The following PTCHD4 variants were observed in gnomAD, a reference collection of about 807,000 sequenced individuals.
PTCHD4 encodes patched domain-containing protein 4.
In PTCHD4, 33 loss-of-function variants were observed where a neutral mutation model predicts 58.1. The ratio of observed to expected loss-of-function variants is 0.57; its 90% CI spans 0.43 to 0.76. PTCHD4 has a LOEUF of 0.76. PTCHD4 is among the 30% of genes least tolerant of loss of function. The probability of loss-of-function intolerance (pLI) is 0.00; values close to 1 mark genes in which losing one functional copy is unlikely to be tolerated. For missense variants in PTCHD4, 1,058 were observed against 1,027.1 expected, an observed-to-expected ratio of 1.03 and a Z score of -0.41; for synonymous variants, 478 against 409.6, an observed-to-expected ratio of 1.17 and a Z score of -2.02.
intron 4 of PTCHD4, among the ~76,000 whole-genome samples, chr6:47,960,009 T>C (rs555578413): frequency 1.0e-3 from 155 of 152,196 alleles, no homozygotes; most frequent in South Asian, 1.7e-3. Flanking sequence ...AACAATGTAG[T>C]ATATGGTTAA....
At chr6:48,024,475 T>C (rs1364431035) in intron 3 of PTCHD4, among the ~76,000 whole-genome samples, 1 of 151,966 alleles carries the variant, frequency 6.6e-6, no homozygotes, top group Non-Finnish European at 1.5e-5. Context: ...AAAAAGTTGG[T>C]TCAATTTTCC....
At chr6:47,915,399 T>A (rs891134101) in intron 4 of PTCHD4, among the ~76,000 whole-genome samples, 1 of 152,116 alleles carries the variant, frequency 6.6e-6, no homozygotes, top group Non-Finnish European at 1.5e-5. Context: ...TTTATGGAGA[T>A]CGCTTCAAGA....
At chr6:48,095,683 C>T (rs966786873) in intron 1 of PTCHD4, among the ~76,000 whole-genome samples, 3 of 149,554 alleles carry the variant, frequency 2.0e-5, no homozygotes, top group Non-Finnish European at 3.0e-5. Context: ...AGCAAGACTC[C>T]GTCTCAAAAA....
chr6:47,955,689 A>C lies in PTCHD4; in HGVS notation c.898+52945T>G, dbSNP rs185374473. On this transcript the variant is annotated intron_variant, in intron 4 of 4. Coordinates refer to ENST00000339488, the MANE Select transcript of PTCHD4 (RefSeq NM_001384253.1). ...AACAATATAAAAGTGCATTTTATTTAGTAAGAGTAAGGCTTATGTTGTGAA... is the reference window on the plus strand; with the variant it reads ...AACAATATAAAAGTGCATTTTATTTCGTAAGAGTAAGGCTTATGTTGTGAA... Among the ~76,000 whole-genome samples the C allele has an allele frequency of 2.0e-4, 31 of 152,346 alleles. 1 individual carries two copies. The highest frequency in any genetic ancestry group is 1.1e-3 in the Admixed American group (17 of 15,296).
At chr6:47,908,929 T>C (rs1277133626) in intron 4 of PTCHD4, among the ~76,000 whole-genome samples, 2 of 152,154 alleles carry the variant, frequency 1.3e-5, no homozygotes, top group Non-Finnish European at 2.9e-5. Context: ...ATAATAATGA[T>C]GCAAATAGAA....
chr6:48,074,657 T>A (rs2113887446), intron 1 of PTCHD4, among the ~76,000 whole-genome samples: 1 of 152,312 alleles, frequency 6.6e-6, no homozygotes, highest in African/African-American at 2.4e-5. Flanking sequence ...CGGGGGAGTT[T>A]ATGCAGAGTT....
chr6:47,890,605 G>T (rs1295507473), intron 4 of PTCHD4, among the ~76,000 whole-genome samples: 1 of 152,218 alleles, frequency 6.6e-6, no homozygotes, highest in Non-Finnish European at 1.5e-5. Flanking sequence ...GCTGCCAACT[G>T]CAGGACGACT....
intron 4 of PTCHD4, among the ~76,000 whole-genome samples, chr6:47,978,690 T>C (rs1213204520): frequency 2.0e-5 from 3 of 152,174 alleles, no homozygotes; most frequent in African/African-American, 7.2e-5. Flanking sequence ...CAGATCTTAC[T>C]ATCCCAGTGA....
intron 4 of PTCHD4, among the ~76,000 whole-genome samples, chr6:47,995,303 C>A (rs1380418701): frequency 3.9e-5 from 6 of 152,108 alleles, no homozygotes; most frequent in Non-Finnish European, 8.8e-5. Context: ...ACAGAAGTTT[C>A]CAGGGAGCAA....
At chr6:47,919,718 A>G (rs148420539) in intron 4 of PTCHD4, among the ~76,000 whole-genome samples, 35 of 152,284 alleles carry the variant, frequency 2.3e-4, no homozygotes, top group Admixed American at 2.1e-3. Context: ...GGCTTTAAAC[A>G]GGGCAGTGTT....
At chr6:47,931,067 G>C (rs1218048554) in intron 4 of PTCHD4, among the ~76,000 whole-genome samples, 1 of 152,228 alleles carries the variant, frequency 6.6e-6, no homozygotes. Context: ...TTACAGGCGT[G>C]AGCCACCGCA....
chr6:48,060,585 T>C (rs2113867974), intron 3 of PTCHD4, among the ~76,000 whole-genome samples: 1 of 152,316 alleles, frequency 6.6e-6, no homozygotes, highest in East Asian at 1.9e-4. Context: ...GGCATCCTTC[T>C]ACCTCTGCCT....
chr6:48,109,575 G>A (rs111965896), intron 1 of PTCHD4, among the ~76,000 whole-genome samples: 1 of 151,940 alleles, frequency 6.6e-6, no homozygotes, highest in Admixed American at 6.6e-5. Flanking sequence ...AAACTAAAAA[G>A]CTCCTTCAGA....
At position 47,870,759 on chromosome 6, in the gene PTCHD4, T is replaced by C. The variant is rs1410464315; in HGVS notation, c.*7544A>G. 6.6e-6 allele frequency among the ~76,000 whole-genome samples: 1 copy of C among 151,640 alleles called. No individual in the cohort carries two copies. Among genetic ancestry groups the C allele is most frequent in the Non-Finnish European group, 1.5e-5 (1 of 67,704 alleles). ...ATGTTTTTTTGATTTGACATTTTTG[T>C]TCACAATTCGTTTTTAAGCTTTCCT... On this transcript the variant is annotated 3_prime_UTR_variant, in exon 5 of 5. Coordinates refer to ENST00000339488, the MANE Select transcript of PTCHD4 (RefSeq NM_001384253.1).
chr6:47,973,928 G>A (rs1305741596), intron 4 of PTCHD4, among the ~76,000 whole-genome samples: 1 of 152,162 alleles, frequency 6.6e-6, no homozygotes, highest in African/African-American at 2.4e-5. Context: ...TTATCAAGTA[G>A]TAACATCAAA....
In PTCHD4 at chr6:47,861,320, A is replaced by T. The variant is rs1373834603; in HGVS notation, c.*16983T>A. On this transcript the variant is annotated 3_prime_UTR_variant, in exon 5 of 5. Transcript: ENST00000339488. ...TTTCATAAAACTATTTTTTAAAAAAATTTTATTTGTGTCTCAATTCTTGCC... is the reference window on the plus strand; with the variant it reads ...TTTCATAAAACTATTTTTTAAAAAATTTTTATTTGTGTCTCAATTCTTGCC... Among the ~76,000 whole-genome samples the T allele has an allele frequency of 6.8e-6, 1 of 147,482 alleles. No individual in the cohort carries two copies. The highest frequency in any genetic ancestry group is 1.5e-5 in the Non-Finnish European group (1 of 66,876).
At chr6:48,095,746 A>G (rs74680227) in intron 1 of PTCHD4, among the ~76,000 whole-genome samples, 1 of 151,736 alleles carries the variant, frequency 6.6e-6, no homozygotes, top group Non-Finnish European at 1.5e-5. Flanking sequence ...AAAAAAAAAA[A>G]ACAAATATAA....
intron 1 of PTCHD4, among the ~76,000 whole-genome samples, chr6:48,094,065 T>G (rs1765416245): frequency 6.6e-6 from 1 of 152,164 alleles, no homozygotes; most frequent in Non-Finnish European, 1.5e-5. Flanking sequence ...GGCATAGATT[T>G]AAAATGGATG....
intron 1 of PTCHD4, among the ~76,000 whole-genome samples, chr6:48,070,568 T>G (rs1764958894): frequency 6.6e-6 from 1 of 152,246 alleles, no homozygotes; most frequent in South Asian, 2.1e-4. Context: ...GCCATTCTGT[T>G]TGAATTTCTA....
Sources: gnomAD v4.1 joint callset for allele counts (sites outside exome capture counted in the v4.1 genomes callset) on GRCh38, gnomAD v4.1.1 for gene constraint, MANE v1.5 for transcripts, NCBI Gene and HGNC (gene_info 2026-07-23, HGNC 2026-07-21) for gene names.